Variants in ZMYM2 observed in about 807,000 individuals in gnomAD.
ZMYM2 encodes zinc finger MYM-type containing 2, also known as zinc finger MYM-type protein 2.
A neutral mutation model predicts 162.8 loss-of-function variants in ZMYM2; 56 were observed. The ratio of observed to expected loss-of-function variants is 0.34; its 90% confidence interval spans 0.28 to 0.43. The LOEUF (loss-of-function observed/expected upper bound fraction) is 0.43, where lower values mean the gene tolerates loss of function less well. Among genes scored for constraint, ZMYM2 ranks in the 20% least tolerant of loss-of-function variants. The pLI, the probability that ZMYM2 is intolerant of heterozygous loss-of-function variation, is 1.00. For synonymous variants in ZMYM2, 510 were observed against 541.6 expected (o/e 0.94, Z 0.81); for missense variants, 1,275 against 1,621.8 (o/e 0.79, Z 3.67).
chr13:19,883,628 T>C, the ZMYM2 span, among the ~76,000 whole-genome samples: 1 of 152,190 alleles, frequency 6.6e-6, no homozygotes, highest in Non-Finnish European at 1.5e-5. Context: ...TTTAAAAATC[T>C]TTCCTTTTTG....
rs529988114 is a variant in ZMYM2, at chr13:20,005,765, A to G, written c.1299+526A>G. On this transcript the variant is annotated intron_variant, in intron 5 of 24. Transcript: ENST00000610343. Reference sequence around the variant, plus strand: ...TGTACTTTATTTATAGTTTTTAAAAATTGGTCTAAAGATTTTTACTCTATG... The same window carrying G: ...TGTACTTTATTTATAGTTTTTAAAAGTTGGTCTAAAGATTTTTACTCTATG... Among the ~76,000 whole-genome samples the G allele has an allele frequency of 2.6e-5, 4 of 152,254 alleles. No individual in the cohort carries two copies. In the South Asian group the frequency reaches 8.3e-4, roughly 32 times the overall value.
chr13:19,934,008 AT>A, the ZMYM2 span, among the ~76,000 whole-genome samples: 1 of 152,110 alleles, frequency 6.6e-6, no homozygotes, highest in Non-Finnish European at 1.5e-5. Context: ...TTTTTTCTCT[AT>A]CACCACATTT....
intron 14 of ZMYM2, among the ~76,000 whole-genome samples, chr13:20,055,707 C>A (rs748486884): frequency 2.0e-5 from 3 of 151,954 alleles, no homozygotes; most frequent in Non-Finnish European, 2.9e-5. Context: ...CCAGTCTACC[C>A]GAGTGCTATA....
rs777038346 is a variant in ZMYM2, at chr13:19,993,512, A to C, written c.440A>C (p.Lys147Thr). The change falls in exon 3 of 25, where the codon AAA becomes ACA. Residue 147 changes from lysine to threonine, a missense_variant. Physicochemically the swap from Lys to Thr is moderately conservative, Grantham distance 78. Coordinates refer to ENST00000610343, the MANE Select transcript of ZMYM2 (RefSeq NM_197968.4). ...ATTGAACGAAGACCTCCTGAGACTA[A>C]AAACAGAACCAATGATGTGGATTTC... ...NFIERRPPET[K>T]NRTNDVDFST... The C allele has an allele frequency of 2.5e-6, 4 of 1,613,942 alleles. No individual in the cohort carries two copies. The highest frequency in any genetic ancestry group is 3.4e-6 in the Non-Finnish European group (4 of 1,180,016).
chr13:19,885,954 CATAT>C, the ZMYM2 span, among the ~76,000 whole-genome samples: 11 of 78,576 alleles, frequency 1.4e-4, 5 homozygotes, highest in African/African-American at 5.0e-4. Context: ...TGTATATACA[CATAT>C]ATATGTGTAT....
chr13:19,886,661 G>A, the ZMYM2 span, among the ~76,000 whole-genome samples: 2 of 151,130 alleles, frequency 1.3e-5, no homozygotes, highest in African/African-American at 4.9e-5. Context: ...TGTTTTGTTT[G>A]TTTTTGAGAC....
At chr13:20,081,156 C>T (rs1245182422) in intron 21 of ZMYM2, among the ~76,000 whole-genome samples, 1 of 152,004 alleles carries the variant, frequency 6.6e-6, no homozygotes, top group Non-Finnish European at 1.5e-5. Flanking sequence ...TTTGTGATTC[C>T]ACTTTATTTC....
chr13:19,885,459 A>G, the ZMYM2 span, among the ~76,000 whole-genome samples: 1 of 152,194 alleles, frequency 6.6e-6, no homozygotes, highest in Admixed American at 6.6e-5. Flanking sequence ...TGAGATAAGG[A>G]ACTTAGCTGC....
At chr13:19,948,583 T>C in the ZMYM2 span, among the ~76,000 whole-genome samples, 1 of 152,182 alleles carries the variant, frequency 6.6e-6, no homozygotes, top group Non-Finnish European at 1.5e-5. Flanking sequence ...GAAAGATCAA[T>C]GGTTACTACG....
At chr13:20,038,964 A>G (rs1032296861) in intron 12 of ZMYM2, among the ~76,000 whole-genome samples, 4 of 151,722 alleles carry the variant, frequency 2.6e-5, no homozygotes, top group African/African-American at 9.7e-5. Flanking sequence ...TTTGAGCAGT[A>G]TTTTGTAGTT....
At chr13:19,959,694 C>T (rs1453472987) in intron 1 of ZMYM2, among the ~76,000 whole-genome samples, 2 of 152,190 alleles carry the variant, frequency 1.3e-5, no homozygotes, top group Non-Finnish European at 2.9e-5. Context: ...CCCTCCCTTC[C>T]CGGGAGCAGG....
the ZMYM2 span, among the ~76,000 whole-genome samples, chr13:19,884,828 G>A: frequency 0.65 from 98,188 of 151,910 alleles, 35,300 homozygotes; most frequent in East Asian, 0.89. Context: ...AAACATTCCA[G>A]CAGTAAAAGA....
chr13:19,887,527 T>TAAA, the ZMYM2 span, among the ~76,000 whole-genome samples: 1 of 143,658 alleles, frequency 7.0e-6, no homozygotes, highest in African/African-American at 2.6e-5. Flanking sequence ...AGACTTGGTA[T>TAAA]AAAAAAAAAA....
chr13:20,005,233 A>T lies in ZMYM2; in HGVS notation c.1293A>T (p.Leu431=), dbSNP rs1415911218. Residue 431 remains leucine (L), a synonymous_variant, in exon 5 of 25, where the codon CTA becomes CTT. Transcript: ENST00000610343. ...NKSRCTICGK[L]TEIRHEVSFK... is the part of the protein sequence containing the mutation. ...CAAGATGTACAATCTGTGGTAAACT[A>T]ACTGAGGTTTGTATTTTTTTTCTTT... 4 of 1,542,936 alleles carry T rather than the reference A, an allele frequency of 2.6e-6. No homozygotes were observed. Among genetic ancestry groups the T allele is most frequent in the Non-Finnish European group, 3.5e-6 (4 of 1,153,664 alleles).
chr13:19,917,139 T>A, the ZMYM2 span, among the ~76,000 whole-genome samples: 2 of 151,946 alleles, frequency 1.3e-5, no homozygotes, highest in East Asian at 3.9e-4. Context: ...ATTTTTTGTA[T>A]TTTTAGTAGA....
chr13:19,995,697 A>C (rs1949968528), intron 3 of ZMYM2, among the ~76,000 whole-genome samples: 1 of 151,986 alleles, frequency 6.6e-6, no homozygotes. Flanking sequence ...TTTTTTTTGA[A>C]GGTTGATAGT....
intron 22 of ZMYM2, 80 bp downstream of exon 22, chr13:20,082,210 AAT>A (rs1957958167): frequency 9.6e-7 from 1 of 1,044,194 alleles, no homozygotes; most frequent in Non-Finnish European, 1.4e-6. Context: ...AAAATATTAT[AAT>A]TAAGTCACTT....
At chr13:20,047,787 C>T (rs1038769522) in intron 12 of ZMYM2, among the ~76,000 whole-genome samples, 4 of 152,018 alleles carry the variant, frequency 2.6e-5, no homozygotes, top group Admixed American at 1.3e-4. Flanking sequence ...TCTTTCTCTT[C>T]TAAATTGGAA....
chr13:19,967,593 C>T lies in ZMYM2; in HGVS notation c.-11+7567C>T, dbSNP rs573819743. Among the ~76,000 whole-genome samples, 27 of 152,258 alleles carry T rather than the reference C, an allele frequency of 1.8e-4. No individual in the cohort carries two copies. In the South Asian group the frequency reaches 2.3e-3, roughly 13 times the overall value. The stretch of plus-strand genomic sequence containing the variant: ...CTTAAAATAAGTAAATTTTACTACA[C>T]GTACATTATGCTTTAATATAACTAT... On this transcript the variant is annotated intron_variant, in intron 2 of 24. Transcript: ENST00000610343.
Sources: gnomAD v4.1 joint callset for allele counts (sites outside exome capture counted in the v4.1 genomes callset) on GRCh38, gnomAD v4.1.1 for gene constraint, MANE v1.5 for transcripts, NCBI Gene and HGNC (gene_info 2026-07-23, HGNC 2026-07-21) for gene names.